ZNF148: variants seen among roughly 807,000 people sequenced by gnomAD.
The protein encoded by ZNF148 is zinc finger protein 148, also known as Beta-Enolase Repressor Factor-1.
A neutral mutation model predicts 67.7 loss-of-function variants in ZNF148; 7 were observed. The ratio of observed to expected loss-of-function variants is 0.10; its 90% CI spans 0.06 to 0.19. The LOEUF (loss-of-function observed/expected upper bound fraction) is 0.19. ZNF148 is among the 10% of genes least tolerant of loss of function. The pLI, the probability that ZNF148 is intolerant of heterozygous loss-of-function variation, is 1.00. For synonymous variants in ZNF148, 333 were observed against 330.7 expected (o/e 1.01, Z -0.08); for missense variants, 583 against 947.1 (o/e 0.62, Z 5.05).
chr3:125,288,217 C>T lies in ZNF148; in HGVS notation c.345G>A (p.Lys115=). 2.5e-6 allele frequency: 4 copies of T among 1,611,780 alleles called. No homozygotes were observed. Among genetic ancestry groups the T allele is most frequent in the Non-Finnish European group, 3.4e-6 (4 of 1,179,382 alleles). ...QYALNVPISV[K]QEITFTDVSE... ...ATACATCAGTAAAAGTAATTTCCTGCTTTACGCTTATCTGTTTAAAAAAAG... is the reference window on the plus strand; with the variant it reads ...ATACATCAGTAAAAGTAATTTCCTGTTTTACGCTTATCTGTTTAAAAAAAG... Residue 115 remains lysine (K), a synonymous_variant, in exon 5 of 9, where the codon AAG becomes AAA. Transcript: ENST00000360647.
At chr3:125,306,206 G>T (rs1368374521) in intron 4 of ZNF148, among the ~76,000 whole-genome samples, 3 of 152,070 alleles carry the variant, frequency 2.0e-5, no homozygotes, top group Non-Finnish European at 4.4e-5. Context: ...GGTCAAAAAT[G>T]AATATCTAAA....
At chr3:125,243,528 C>T (rs1553805202) in intron 7 of ZNF148, among the ~76,000 whole-genome samples, 2 of 151,758 alleles carry the variant, frequency 1.3e-5, no homozygotes, top group Non-Finnish European at 2.9e-5. Context: ...GTTTCTGATT[C>T]TTTTTTTTGA....
At chr3:125,283,803 G>T (rs962417333) in intron 5 of ZNF148, among the ~76,000 whole-genome samples, 2 of 152,022 alleles carry the variant, frequency 1.3e-5, no homozygotes, top group African/African-American at 4.8e-5. Context: ...TGATACCAAA[G>T]TCTAAAATCT....
At position 125,372,050 on chromosome 3, in the gene ZNF148, C is replaced by T. The variant is rs554393210; in HGVS notation, c.-234+3052G>A. 5.4e-5 allele frequency among the ~76,000 whole-genome samples: 7 copies of T among 129,638 alleles called. 1 individual carries two copies. The South Asian group carries it at 7.5e-4, about 14-fold the overall frequency. The allele number at this position is 129,638 out of a possible 152,430, so 85.0% of individuals were successfully genotyped here. A position where few individuals can be genotyped will look rare whatever the true frequency, so the allele number is the denominator to read the frequency against. Reference sequence around the variant, plus strand: ...CTGCACTCTAGCCTGGGTGACAGAGCGAGACTCCGTCTCAAAAAAAAAAAA... The same window carrying T: ...CTGCACTCTAGCCTGGGTGACAGAGTGAGACTCCGTCTCAAAAAAAAAAAA... On this transcript the variant is annotated intron_variant, in intron 1 of 8. Coordinates refer to ENST00000360647, the MANE Select transcript of ZNF148 (RefSeq NM_021964.3).
intron 1 of ZNF148, chr3:125,344,695 A>G (rs1941871774): frequency 1.6e-6 from 1 of 628,474 alleles, no homozygotes; most frequent in Non-Finnish European, 2.9e-6. Context: ...CTTTATTCTC[A>G]GGAATCTGGG....
chr3:125,259,626 A>G, intron 7 of ZNF148, among the ~76,000 whole-genome samples: 1 of 152,212 alleles, frequency 6.6e-6, no homozygotes, highest in East Asian at 1.9e-4. Context: ...GTAAAATAGC[A>G]TTACGTCTAA....
intron 1 of ZNF148, among the ~76,000 whole-genome samples, chr3:125,347,571 T>C (rs1368861649): frequency 2.7e-3 from 29 of 10,600 alleles, no homozygotes; most frequent in Non-Finnish European, 5.3e-3. Context: ...TATGTATTAT[T>C]TTTTTTTTTT....
At chr3:125,361,234 T>TA (rs1189390124) in intron 1 of ZNF148, among the ~76,000 whole-genome samples, 3 of 152,028 alleles carry the variant, frequency 2.0e-5, no homozygotes, top group African/African-American at 7.2e-5. Flanking sequence ...TTCAGCTTGA[T>TA]AAAAAAGGAC....
chr3:125,251,920 C>T (rs756891212), intron 7 of ZNF148, among the ~76,000 whole-genome samples: 8 of 152,182 alleles, frequency 5.3e-5, no homozygotes, highest in Non-Finnish European at 7.3e-5. Flanking sequence ...ATGAGAGTTC[C>T]AACTGTTCCA....
chr3:125,317,565 G>A (rs925109364), intron 3 of ZNF148, among the ~76,000 whole-genome samples: 6 of 150,118 alleles, frequency 4.0e-5, no homozygotes, highest in African/African-American at 7.4e-5. Context: ...AAGGAATGAC[G>A]TTAGCATTAT....
At chr3:125,302,857 G>A (rs557819379) in intron 4 of ZNF148, among the ~76,000 whole-genome samples, 1 of 152,314 alleles carries the variant, frequency 6.6e-6, no homozygotes, top group East Asian at 1.9e-4. Context: ...TAGGGGTATG[G>A]TAGGGTATTT....
chr3:125,256,134 C>T (rs112479943), intron 7 of ZNF148, among the ~76,000 whole-genome samples: 9 of 151,716 alleles, frequency 5.9e-5, no homozygotes, highest in African/African-American at 9.7e-5. Flanking sequence ...GAGGCCGAGG[C>T]GGGTGGATCA....
In ZNF148 at chr3:125,273,913, T is replaced by C. The variant is rs138347352; in HGVS notation, c.667+3813A>G. On this transcript the variant is annotated intron_variant, in intron 7 of 8. Coordinates refer to ENST00000360647, the MANE Select transcript of ZNF148 (RefSeq NM_021964.3). ...TAATTTGTATAACAGAACATCAGGA[T>C]AGGTATTCTGTGGCTTACTATTTAG... Among the ~76,000 whole-genome samples the C allele has an allele frequency of 3.3e-4, 50 of 152,298 alleles. 1 individual carries two copies. The East Asian group carries it at 9.1e-3, about 28-fold the overall frequency.
At chr3:125,285,361 AT>A (rs1415078788) in intron 5 of ZNF148, among the ~76,000 whole-genome samples, 1 of 152,124 alleles carries the variant, frequency 6.6e-6, no homozygotes, top group Non-Finnish European at 1.5e-5. Context: ...TGAAGCATAA[AT>A]TTTTATATAC....
At chr3:125,313,709 C>T (rs983857306) in intron 3 of ZNF148, 53 bp from the exon 4 acceptor site, 4 of 1,349,284 alleles carry the variant, frequency 3.0e-6, no homozygotes, top group Non-Finnish European at 4.1e-6. Flanking sequence ...TATATGACTA[C>T]TTCATTTTAA....
rs536204889 is a variant in ZNF148 at position 125,351,303 on chromosome 3, G to A, written c.-233-20065C>T. Among the ~76,000 whole-genome samples, 18 of 140,386 alleles carry A rather than the reference G, an allele frequency of 1.3e-4. No homozygotes were observed. The South Asian group carries it at 3.5e-3, about 27-fold the overall frequency. The allele number at this position is 140,386 out of a possible 152,430, so 92.1% of individuals were successfully genotyped here. A position where few individuals can be genotyped will look rare whatever the true frequency, so the allele number is the denominator to read the frequency against. Reference sequence around the variant, plus strand: ...AGGCTGAGGCGAGAAGCTTGTTTAAGCCCAGAAGGTTGAGACTGCAATCTG... The same window carrying A: ...AGGCTGAGGCGAGAAGCTTGTTTAAACCCAGAAGGTTGAGACTGCAATCTG... On this transcript the variant is annotated intron_variant, in intron 1 of 8. Coordinates refer to ENST00000360647, the MANE Select transcript of ZNF148 (RefSeq NM_021964.3).
At chr3:125,310,337 C>T (rs1464671270) in intron 4 of ZNF148, among the ~76,000 whole-genome samples, 1 of 151,954 alleles carries the variant, frequency 6.6e-6, no homozygotes, top group Non-Finnish European at 1.5e-5. Flanking sequence ...CTTTAGCCTC[C>T]CAAAGTGCTG....
intron 7 of ZNF148, among the ~76,000 whole-genome samples, chr3:125,242,374 A>G (rs925849422): frequency 3.3e-5 from 5 of 152,164 alleles, no homozygotes; most frequent in African/African-American, 1.2e-4. Flanking sequence ...TAATCCCAGC[A>G]CTCTTGGAGG....
chr3:125,319,379 T>C (rs1183917577), intron 3 of ZNF148, among the ~76,000 whole-genome samples: 1 of 152,182 alleles, frequency 6.6e-6, no homozygotes, highest in Non-Finnish European at 1.5e-5. Context: ...CGGGGAACTG[T>C]CTGGGCTCAT....
Sources: gnomAD v4.1 joint callset for allele counts (sites outside exome capture counted in the v4.1 genomes callset) on GRCh38, gnomAD v4.1.1 for gene constraint, MANE v1.5 for transcripts, NCBI Gene and HGNC (gene_info 2026-07-23, HGNC 2026-07-21) for gene names.